Variants in PCDHGA1 observed in about 807,000 individuals in gnomAD.
The protein encoded by PCDHGA1 is protocadherin gamma subfamily A, 1.
In PCDHGA1, 32 loss-of-function variants were observed where a neutral mutation model predicts 58.0. The ratio of observed to expected loss-of-function variants is 0.55; its 90% CI spans 0.42 to 0.74. The LOEUF is 0.74. Ranked by LOEUF, PCDHGA1 falls within the 30% of genes least tolerant of loss-of-function variation. The probability of loss-of-function intolerance (pLI) is 0.00; values close to 1 mark genes in which losing one functional copy is unlikely to be tolerated. For synonymous variants in PCDHGA1, 498 were observed against 501.1 expected, an observed-to-expected ratio of 0.99 and a Z score of 0.08; for missense variants, 1,205 against 1,182.3, an observed-to-expected ratio of 1.02 and a Z score of -0.28.
chr5:141,407,808 C>A (rs1182707356), intron 1 of PCDHGA1, among the ~76,000 whole-genome samples: 1 of 152,136 alleles, frequency 6.6e-6, no homozygotes, highest in Non-Finnish European at 1.5e-5. Flanking sequence ...ATAGAAATAT[C>A]TACTATAATA....
Position 141,491,730 on chromosome 5 carries a change from C to A in PCDHGA1, c.2422-3077C>A, listed in dbSNP as rs1346666614. ...GGGGCTCGGCGCCGCCCCGGGCGAC[C>A]CCTGGGGGCGGCACTGGAGAAGCCG... On this transcript the variant is annotated intron_variant, in intron 1 of 3. Coordinates refer to ENST00000517417, the MANE Select transcript of PCDHGA1 (RefSeq NM_018912.3). This position sits in a 1 kb window ranked among gnomAD's most constrained non-coding sequence, Gnocchi z 6.9. 3.1e-6 allele frequency: 5 copies of A among 1,603,920 alleles called. No individual in the cohort carries two copies. The East Asian group carries it at 6.7e-5, about 22-fold the overall frequency.
At chr5:141,410,182 T>G in intron 1 of PCDHGA1, 1 of 1,613,868 alleles carries the variant, frequency 6.2e-7, no homozygotes, top group Non-Finnish European at 8.5e-7. Flanking sequence ...CCGCCACGCT[T>G]CATCTGGTCT....
intron 1 of PCDHGA1, chr5:141,394,289 C>G (rs191844335): frequency 2.5e-6 from 4 of 1,613,954 alleles, no homozygotes; most frequent in Admixed American, 1.7e-5. Context: ...ACTCTGTGAC[C>G]GAGGACACGC....
At chr5:141,497,212 G>T (rs968445663) in intron 2 of PCDHGA1, among the ~76,000 whole-genome samples, 3 of 150,900 alleles carry the variant, frequency 2.0e-5, no homozygotes, top group Non-Finnish European at 3.0e-5. Context: ...AGTGTAATGG[G>T]GGGGGGAAGA....
intron 1 of PCDHGA1, chr5:141,365,775 G>A: frequency 1.9e-6 from 3 of 1,613,864 alleles, no homozygotes; most frequent in Non-Finnish European, 2.5e-6. Context: ...CCCGACAGCG[G>A]CGACAACGCT....
rs558951022 is a variant in PCDHGA1 at position 141,501,554 on chromosome 5, C to T, written c.2481-3839C>T. On this transcript the variant is annotated intron_variant, in intron 2 of 3. Coordinates refer to ENST00000517417, the MANE Select transcript of PCDHGA1 (RefSeq NM_018912.3). ...CGTTGTTGTGCATAAGATCATAGGC[C>T]CTGGAATCATATTAGGCTGGCTTTC... is the stretch of plus-strand genomic sequence containing the variant. Among the ~76,000 whole-genome samples the T allele has an allele frequency of 3.3e-5, 5 of 152,044 alleles. No homozygotes were observed. In the East Asian group the frequency reaches 7.8e-4, roughly 24 times the overall value.
chr5:141,476,920 A>G lies in PCDHGA1; in HGVS notation c.2422-17887A>G. The G allele has an allele frequency of 6.2e-7, 1 of 1,614,094 alleles. No individual in the cohort carries two copies. The highest frequency in any genetic ancestry group is 1.1e-5 in the South Asian group (1 of 91,088). On this transcript the variant is annotated intron_variant, in intron 1 of 3. Coordinates refer to ENST00000517417, the MANE Select transcript of PCDHGA1 (RefSeq NM_018912.3). This position sits in a 1 kb window ranked among gnomAD's most constrained non-coding sequence, Gnocchi z 7.6. ...GCACGCGCGTGGTACAAGTCCTTGC[A>G]ACGGATCTGGATGAAGGCCCCAACG...
chr5:141,381,971 A>C (rs1777809819), intron 1 of PCDHGA1, among the ~76,000 whole-genome samples: 1 of 150,888 alleles, frequency 6.6e-6, no homozygotes, highest in African/African-American at 2.4e-5. Flanking sequence ...CTGGGATTAC[A>C]GGCGCGCGCC....
At chr5:141,428,754 T>C (rs932377392) in intron 1 of PCDHGA1, 7 of 154,708 alleles carry the variant, frequency 4.5e-5, no homozygotes, top group African/African-American at 1.4e-4. Context: ...TTGCTTCAGG[T>C]TTGTTTGCCC....
At position 141,402,911 on chromosome 5, in the gene PCDHGA1, C is replaced by CT. The variant is rs2094320554; in HGVS notation, c.2421+69806_2421+69807insT. 6 of 1,551,858 alleles carry CT rather than the reference C, an allele frequency of 3.9e-6. No homozygotes were observed. In the African/African-American group the frequency reaches 8.2e-5, roughly 21 times the overall value. ...GAAGAAAGAACCTGATGAAGCAGCG[C>CT]GCACAGAGATCCTTTTGAGAAAATT... On this transcript the variant is annotated intron_variant, in intron 1 of 3. Coordinates refer to ENST00000517417, the MANE Select transcript of PCDHGA1 (RefSeq NM_018912.3).
chr5:141,364,948 T>C, intron 1 of PCDHGA1: 1 of 1,613,922 alleles, frequency 6.2e-7, no homozygotes, highest in Admixed American at 1.7e-5. Flanking sequence ...AGAAAGAGAC[T>C]GTTCACGACC....
At chr5:141,370,652 G>A in intron 1 of PCDHGA1, 1 of 1,613,890 alleles carries the variant, frequency 6.2e-7, no homozygotes, top group Non-Finnish European at 8.5e-7. Context: ...ACTTACTTGT[G>A]AGCGACCGTA....
intron 1 of PCDHGA1, chr5:141,410,801 A>G (rs2095424401): frequency 3.4e-6 from 2 of 587,942 alleles, no homozygotes; most frequent in Admixed American, 4.2e-5. Context: ...AAGTTGCTCT[A>G]TCTTTTTGTA....
At chr5:141,338,890 T>C in intron 1 of PCDHGA1, 1 of 1,472,520 alleles carries the variant, frequency 6.8e-7, no homozygotes, top group East Asian at 2.4e-5. Context: ...GAATGCTGGT[T>C]ATCTCACACC....
At chr5:141,405,054 C>T (rs773491411) in intron 1 of PCDHGA1, 7 of 1,613,806 alleles carry the variant, frequency 4.3e-6, no homozygotes, top group Admixed American at 1.7e-5. Flanking sequence ...GCAGTCGTCT[C>T]CTGTGTCTTC....
rs1596285501 is a variant in PCDHGA1, at chr5:141,510,367, C to A, written c.2570-580C>A. Among the ~76,000 whole-genome samples the A allele has an allele frequency of 5.0e-5, 7 of 140,362 alleles. 1 individual carries two copies. In the South Asian group the frequency reaches 1.6e-3, roughly 31 times the overall value. The allele number at this position is 140,362 out of a possible 152,430, so 92.1% of individuals were successfully genotyped here. A position where few individuals can be genotyped will look rare whatever the true frequency, so the allele number is the denominator to read the frequency against. On this transcript the variant is annotated intron_variant, in intron 3 of 3. Transcript: ENST00000517417. ...ACACTTACTAACGGAACTACCGAAT[C>A]TCTACTCGTGCCAGGCCTTGCTTGG...
At position 141,332,697 on chromosome 5, in the gene PCDHGA1, C is replaced by G; in HGVS notation, c.2013C>G (p.Ile671Met). 4.3e-6 allele frequency: 7 copies of G among 1,613,922 alleles called. No individual in the cohort carries two copies. Among genetic ancestry groups the G allele is most frequent in the Non-Finnish European group, 5.9e-6 (7 of 1,179,954 alleles). ...CCGTGGCCGACAGGATCTCCGACAT[C>G]CTGGCCGACCTGGGCAGCCTCGAGC... The part of the protein sequence containing the change: ...TVAVADRISD[I>M]LADLGSLEPS... Residue 671 changes from isoleucine (I) to methionine (M), a missense_variant, in exon 1 of 4, where the codon ATC becomes ATG. Physicochemically the swap from Ile to Met is conservative, Grantham distance 10. Coordinates refer to ENST00000517417, the MANE Select transcript of PCDHGA1 (RefSeq NM_018912.3). The surrounding 1 kb of genome is among the most constrained non-coding windows in gnomAD (Gnocchi z 4.6).
In PCDHGA1 at chr5:141,422,509, C is replaced by G. The variant is rs1249006816; in HGVS notation, c.2422-72298C>G. On this transcript the variant is annotated intron_variant, in intron 1 of 3. Coordinates refer to ENST00000517417, the MANE Select transcript of PCDHGA1 (RefSeq NM_018912.3). ...CAATATAACGTTGACAGCCACAGAC[C>G]AGGGAAGCCCGCCTTTGTCTGCAGA... The G allele has an allele frequency of 1.9e-6, 3 of 1,613,836 alleles. No homozygotes were observed. In the South Asian group the frequency reaches 3.3e-5, roughly 18 times the overall value.
At chr5:141,362,551 T>C (rs767580299) in intron 1 of PCDHGA1, 4 of 1,612,614 alleles carry the variant, frequency 2.5e-6, no homozygotes, top group Non-Finnish European at 3.4e-6. Flanking sequence ...AGATACTATT[T>C]TGAAGGTGAG....
Sources: allele counts gnomAD v4.1 joint callset (sites outside exome capture counted in the v4.1 genomes callset), GRCh38; gene constraint gnomAD v4.1.1; non-coding constraint Gnocchi (gnomAD v3.1); transcripts MANE v1.5; gene names NCBI Gene and HGNC (gene_info 2026-07-23, HGNC 2026-07-21).